Variants in CACNA2D3 observed in about 807,000 individuals in gnomAD.
CACNA2D3 encodes voltage-dependent calcium channel subunit alpha-2/delta-3.
CACNA2D3 carries 60 observed loss-of-function variants against 160.6 expected under a neutral mutation model. The ratio of observed to expected loss-of-function variants is 0.37; its 90% CI spans 0.30 to 0.46. The LOEUF (loss-of-function observed/expected upper bound fraction) is 0.46, where lower values mean the gene tolerates loss of function less well. Ranked by LOEUF, CACNA2D3 falls within the 20% of genes least tolerant of loss-of-function variation. CACNA2D3 has a pLI of 1.00. For missense variants in CACNA2D3, 1,205 were observed against 1,365.0 expected (o/e 0.88, Z 1.85); for synonymous variants, 558 against 492.9 (o/e 1.13, Z -1.75).
chr3:54,344,961 C>T (rs755963457), intron 3 of CACNA2D3, among the ~76,000 whole-genome samples: 3 of 152,182 alleles, frequency 2.0e-5, no homozygotes, highest in Non-Finnish European at 4.4e-5. Flanking sequence ...GACCTCTGGT[C>T]GTCCTCACTG....
At chr3:54,764,619 C>T (rs1348572681) in intron 13 of CACNA2D3, among the ~76,000 whole-genome samples, 2 of 152,200 alleles carry the variant, frequency 1.3e-5, no homozygotes, top group African/African-American at 4.8e-5. Flanking sequence ...TTCTGTCCCA[C>T]TTTTTCACAT....
intron 10 of CACNA2D3, among the ~76,000 whole-genome samples, chr3:54,631,107 G>A (rs1287390620): frequency 6.6e-6 from 1 of 152,014 alleles, no homozygotes; most frequent in Non-Finnish European, 1.5e-5. Context: ...GGGAGGCTGA[G>A]GCAGGAGAAT....
At position 54,362,252 on chromosome 3, in the gene CACNA2D3, C is replaced by T. The variant is rs116482986; in HGVS notation, c.322-24463C>T. Among the ~76,000 whole-genome samples the T allele has an allele frequency of 2.5e-3, 378 of 152,300 alleles. 3 individuals carry two copies. The highest frequency in any genetic ancestry group is 8.8e-3 in the African/African-American group (365 of 41,572). ...GAAGGTCTTGTTTGAGGCTCAGGGT[C>T]TTCTTCCAAGCTCCTTCAGGTTGTT... On this transcript the variant is annotated intron_variant, in intron 3 of 37. Coordinates refer to ENST00000474759, the MANE Select transcript of CACNA2D3 (RefSeq NM_018398.3).
At chr3:54,905,995 G>A (rs952230915) in intron 27 of CACNA2D3, among the ~76,000 whole-genome samples, 1 of 152,186 alleles carries the variant, frequency 6.6e-6, no homozygotes, top group African/African-American at 2.4e-5. Flanking sequence ...AGAAGGCACT[G>A]TGGAGGGTGT....
At chr3:54,735,336 A>G (rs1166449788) in intron 11 of CACNA2D3, among the ~76,000 whole-genome samples, 1 of 151,892 alleles carries the variant, frequency 6.6e-6, no homozygotes, top group African/African-American at 2.4e-5. Context: ...ACCCACAATC[A>G]CTCCTAGCAT....
At chr3:54,927,782 C>T in intron 27 of CACNA2D3, 1 of 1,042,760 alleles carries the variant, frequency 9.6e-7, no homozygotes, top group Non-Finnish European at 1.5e-6. Context: ...AGACATTTTT[C>T]ATATCTGTCC....
At chr3:55,073,905 C>T (rs1559480446) in intron 37 of CACNA2D3, 46 bp downstream of exon 37, 2 of 1,477,696 alleles carry the variant, frequency 1.4e-6, no homozygotes, top group Non-Finnish European at 1.9e-6. Context: ...TCAGAATCAC[C>T]ACGAGAGTCT....
chr3:55,014,363 A>T (rs1165671514), intron 34 of CACNA2D3, among the ~76,000 whole-genome samples: 1 of 152,224 alleles, frequency 6.6e-6, no homozygotes, highest in Non-Finnish European at 1.5e-5. Flanking sequence ...GGAATCAGCC[A>T]AACTGAGCTC....
intron 17 of CACNA2D3, among the ~76,000 whole-genome samples, chr3:54,867,345 A>G (rs1265297290): frequency 6.6e-6 from 1 of 152,180 alleles, no homozygotes; most frequent in African/African-American, 2.4e-5. Flanking sequence ...GTATCTTGGA[A>G]AACAGTGAGG....
At chr3:54,746,941 AT>A (rs1701762550) in intron 11 of CACNA2D3, among the ~76,000 whole-genome samples, 1 of 152,138 alleles carries the variant, frequency 6.6e-6, no homozygotes, top group Admixed American at 6.6e-5. Flanking sequence ...ATGTCTCATG[AT>A]CCTGCCTTCT....
chr3:54,289,230 C>T (rs60197535), intron 2 of CACNA2D3, among the ~76,000 whole-genome samples: 30,517 of 151,526 alleles, frequency 0.2, 3,205 homozygotes, highest in East Asian at 0.25. Flanking sequence ...AAAATCAATG[C>T]ACAAAAATCA....
intron 16 of CACNA2D3, among the ~76,000 whole-genome samples, chr3:54,843,239 G>T (rs1698860899): frequency 6.6e-6 from 1 of 152,130 alleles, no homozygotes; most frequent in African/African-American, 2.4e-5. Context: ...AGGATTACAG[G>T]CATGAGCTAC....
At chr3:54,201,167 A>C (rs1701172313) in intron 2 of CACNA2D3, among the ~76,000 whole-genome samples, 2 of 152,244 alleles carry the variant, frequency 1.3e-5, no homozygotes, top group South Asian at 4.1e-4. Context: ...TGTTGAAATC[A>C]CGTTTTGTAT....
chr3:54,799,436 T>C (rs1702936204), intron 13 of CACNA2D3, among the ~76,000 whole-genome samples: 1 of 152,144 alleles, frequency 6.6e-6, no homozygotes, highest in Admixed American at 6.5e-5. Context: ...AAAGTGTATG[T>C]GTTGGGGGAA....
At chr3:54,820,977 A>G (rs528224783) in intron 14 of CACNA2D3, among the ~76,000 whole-genome samples, 5 of 152,280 alleles carry the variant, frequency 3.3e-5, no homozygotes, top group East Asian at 1.9e-4. Flanking sequence ...GGTTTAATCA[A>G]CGTAGAGTGG....
chr3:54,727,685 C>T (rs1701304092), intron 11 of CACNA2D3, among the ~76,000 whole-genome samples: 1 of 152,154 alleles, frequency 6.6e-6, no homozygotes, highest in African/African-American at 2.4e-5. Flanking sequence ...CATGTTCTCA[C>T]TCATAAGTGG....
chr3:54,746,398 C>G (rs899043761), intron 11 of CACNA2D3, among the ~76,000 whole-genome samples: 1 of 151,974 alleles, frequency 6.6e-6, no homozygotes, highest in Non-Finnish European at 1.5e-5. Flanking sequence ...GTCAGGAGAC[C>G]CCTTTCTAAA....
At chr3:54,370,046 A>C (rs1698897666) in intron 3 of CACNA2D3, among the ~76,000 whole-genome samples, 1 of 152,260 alleles carries the variant, frequency 6.6e-6, no homozygotes, top group Non-Finnish European at 1.5e-5. Flanking sequence ...TTCACGTAGC[A>C]TATGAGCAAT....
At chr3:54,637,139 T>C (rs555939566) in intron 10 of CACNA2D3, among the ~76,000 whole-genome samples, 1 of 151,960 alleles carries the variant, frequency 6.6e-6, no homozygotes, top group African/African-American at 2.4e-5. Context: ...AATGGGGGAA[T>C]TGTAAGGGGA....
Sources: allele counts gnomAD v4.1 joint callset (sites outside exome capture counted in the v4.1 genomes callset), GRCh38; gene constraint gnomAD v4.1.1; transcripts MANE v1.5; gene names NCBI Gene and HGNC (gene_info 2026-07-23, HGNC 2026-07-21).